The following FBXL20 variants were observed in gnomAD, a reference collection of about 807,000 sequenced individuals.
FBXL20 encodes F-box/LRR-repeat protein 20.
FBXL20 carries 11 observed loss-of-function variants against 64.0 expected under a neutral mutation model. That is an observed-to-expected ratio of 0.17 (90% confidence interval 0.11 to 0.28). FBXL20 has a LOEUF of 0.28. Among genes scored for constraint, FBXL20 ranks in the 10% least tolerant of loss-of-function variants. The pLI is 1.00. For missense variants in FBXL20, 303 were observed against 526.2 expected, an observed-to-expected ratio of 0.58 and a Z score of 4.15; for synonymous variants, 184 against 189.0, an observed-to-expected ratio of 0.97 and a Z score of 0.22.
At chr17:39,357,275 C>CAAAAAAAA (rs34332873) in intron 1 of FBXL20, among the ~76,000 whole-genome samples, 2 of 93,106 alleles carry the variant, frequency 2.1e-5, no homozygotes, top group African/African-American at 7.1e-5. Flanking sequence ...AACTCTGTCT[C>CAAAAAAAA]AAAAAAAAAA....
At chr17:39,379,168 G>A (rs1045014304) in intron 1 of FBXL20, among the ~76,000 whole-genome samples, 6 of 150,162 alleles carry the variant, frequency 4.0e-5, no homozygotes, top group African/African-American at 1.2e-4. Flanking sequence ...GGAGGTTGTG[G>A]TGAGCCGACT....
Position 39,342,407 on chromosome 17 carries a change from A to G in FBXL20, c.104+773T>C, listed in dbSNP as rs2047591325. Among the ~76,000 whole-genome samples the G allele has an allele frequency of 3.3e-5, 5 of 151,274 alleles. No individual in the cohort carries two copies. The South Asian group carries it at 8.4e-4, about 25-fold the overall frequency. On this transcript the variant is annotated intron_variant, in intron 2 of 14. Transcript: ENST00000264658. ...ACAGTGAGACCACCTCTCTCTACATAAAATTGAAAAAAAAAAAAAAAATTG... is the reference window on the plus strand; with the variant it reads ...ACAGTGAGACCACCTCTCTCTACATGAAATTGAAAAAAAAAAAAAAAATTG...
intron 2 of FBXL20, among the ~76,000 whole-genome samples, chr17:39,337,913 T>TG (rs1425133350): frequency 9.3e-5 from 13 of 139,950 alleles, no homozygotes; most frequent in South Asian, 2.3e-4. Flanking sequence ...GGGAGGGAGG[T>TG]GGGGGGGTCA....
Position 39,401,476 on chromosome 17 carries a change from C to T in FBXL20, c.-74G>A. On this transcript the variant is annotated 5_prime_UTR_variant, in exon 1 of 15. Transcript: ENST00000264658. The stretch of plus-strand genomic sequence containing the variant: ...ACAGACCGGGGGCCCAGGACAGGCC[C>T]GGGAGTTCCGGGACGGGGACTGGGC... 6.6e-7 allele frequency: 1 copy of T among 1,525,640 alleles called. No homozygotes were observed. The highest frequency in any genetic ancestry group is 2.1e-5 in the Admixed American group (1 of 47,258). The allele number at this position is 1,525,640 out of a possible 1,614,324, so 94.5% of individuals were successfully genotyped here.
At chr17:39,386,546 C>A (rs2048081891) in intron 1 of FBXL20, among the ~76,000 whole-genome samples, 1 of 151,992 alleles carries the variant, frequency 6.6e-6, no homozygotes, top group Non-Finnish European at 1.5e-5. Flanking sequence ...ATCGCTTGAA[C>A]CCGGGAGGCG....
chr17:39,365,852 G>A (rs914519798), intron 1 of FBXL20, among the ~76,000 whole-genome samples: 1 of 152,048 alleles, frequency 6.6e-6, no homozygotes, highest in African/African-American at 2.4e-5. Flanking sequence ...GAAGTGAAAG[G>A]AAAGAAACTA....
At chr17:39,359,743 A>G (rs2047776581) in intron 1 of FBXL20, among the ~76,000 whole-genome samples, 1 of 152,230 alleles carries the variant, frequency 6.6e-6, no homozygotes, top group East Asian at 1.9e-4. Flanking sequence ...AGTTCCCTAA[A>G]AAATTAAACA....
chr17:39,360,982 C>A (rs912672222), intron 1 of FBXL20, among the ~76,000 whole-genome samples: 5 of 152,112 alleles, frequency 3.3e-5, no homozygotes, highest in African/African-American at 4.8e-5. Context: ...CCCATTGTTC[C>A]AGCCTCCACC....
At chr17:39,264,666 T>C (rs1226381690) in intron 13 of FBXL20, among the ~76,000 whole-genome samples, 2 of 152,216 alleles carry the variant, frequency 1.3e-5, no homozygotes, top group East Asian at 1.9e-4. Flanking sequence ...CCTTAAAAAT[T>C]ACCCCTTCCT....
intron 1 of FBXL20, among the ~76,000 whole-genome samples, chr17:39,350,013 A>C (rs1362288557): frequency 6.6e-6 from 1 of 152,160 alleles, no homozygotes; most frequent in Non-Finnish European, 1.5e-5. Flanking sequence ...TCAAACACTC[A>C]ATCTACTAGA....
In FBXL20 at chr17:39,286,975, C is replaced by T. The variant is rs145458177; in HGVS notation, c.399-1402G>A. On this transcript the variant is annotated intron_variant, in intron 6 of 14. Transcript: ENST00000264658. Reference sequence around the variant, plus strand: ...TCGCTCAGGCTGGTGTGCAGTGGCACGATCTTGGCTCAATGCAACCTCCGC... The same window carrying T: ...TCGCTCAGGCTGGTGTGCAGTGGCATGATCTTGGCTCAATGCAACCTCCGC... Among the ~76,000 whole-genome samples the T allele has an allele frequency of 5.5e-3, 793 of 145,178 alleles. 31 individuals carry two copies. The East Asian group carries it at 0.066, about 12-fold the overall frequency.
At chr17:39,269,491 C>A (rs1035662363) in intron 11 of FBXL20, among the ~76,000 whole-genome samples, 2 of 150,110 alleles carry the variant, frequency 1.3e-5, no homozygotes, top group Admixed American at 1.3e-4. Context: ...TCGCGCCCGG[C>A]CTTTCCTCTT....
At position 39,285,501 on chromosome 17, in the gene FBXL20, T is replaced by C; in HGVS notation, c.471A>G (p.Thr157=). Residue 157 remains threonine (T), a synonymous_variant, in exon 7 of 15, where the codon ACA becomes ACG. Transcript: ENST00000264658. ...HLDLASCTSI[T]NMSLKALSEG... ...ACCTCAGAGCTTTTAGAGACATGTT[T>C]GTTATTGATGTACAGGAAGCCAAGT... The C allele has an allele frequency of 6.2e-7, 1 of 1,602,778 alleles. No individual in the cohort carries two copies. Among genetic ancestry groups the C allele is most frequent in the Admixed American group, 1.7e-5 (1 of 59,226 alleles).
intron 2 of FBXL20, among the ~76,000 whole-genome samples, chr17:39,314,151 T>C (rs781625858): frequency 1.1e-4 from 17 of 152,168 alleles, no homozygotes; most frequent in Non-Finnish European, 2.4e-4. Flanking sequence ...TAGATTTGCC[T>C]ATTCCGCACA....
intron 9 of FBXL20, among the ~76,000 whole-genome samples, chr17:39,278,108 A>G (rs771271555): frequency 1.3e-5 from 2 of 152,216 alleles, no homozygotes; most frequent in Non-Finnish European, 2.9e-5. Context: ...GTGTGTAAAT[A>G]TATGTGCATA....
rs1303106333 is a variant in FBXL20 at position 39,282,858 on chromosome 17, T to G, written c.495-3A>C. ...GCTCCAACAGTGGACATCCCTCACT[T>G]AGGATAAAACAAAATAAGAGAAACA... On this transcript the variant is annotated splice_polypyrimidine_tract_variant and splice_region_variant and intron_variant, in intron 7 of 14. Coordinates refer to ENST00000264658, the MANE Select transcript of FBXL20 (RefSeq NM_032875.3). 6.2e-7 allele frequency: 1 copy of G among 1,614,092 alleles called. No homozygotes were observed. Among genetic ancestry groups the G allele is most frequent in the Non-Finnish European group, 8.5e-7 (1 of 1,179,988 alleles).
intron 1 of FBXL20, among the ~76,000 whole-genome samples, chr17:39,374,554 T>A (rs2047949211): frequency 1.3e-5 from 2 of 151,880 alleles, no homozygotes; most frequent in African/African-American, 4.8e-5. Context: ...AAAAAAAAAT[T>A]GCTAGATTAT....
chr17:39,391,547 A>G (rs8077629), intron 1 of FBXL20, among the ~76,000 whole-genome samples: 1 of 151,610 alleles, frequency 6.6e-6, no homozygotes, highest in Non-Finnish European at 1.5e-5. Flanking sequence ...AATACACACA[A>G]AAAAAAACAC....
intron 1 of FBXL20, among the ~76,000 whole-genome samples, chr17:39,348,418 C>T (rs183798356): frequency 8.4e-4 from 128 of 151,988 alleles, no homozygotes; most frequent in Non-Finnish European, 1.6e-3. Flanking sequence ...CGAGATCATG[C>T]TACTGCAGTC....
Sources: allele counts gnomAD v4.1 joint callset (sites outside exome capture counted in the v4.1 genomes callset), GRCh38; gene constraint gnomAD v4.1.1; transcripts MANE v1.5; gene names NCBI Gene and HGNC (gene_info 2026-07-23, HGNC 2026-07-21).